The following KAT6B variants were observed in gnomAD, a reference collection of about 807,000 sequenced individuals.
The protein encoded by KAT6B is lysine acetyltransferase 6B.
KAT6B carries 10 observed loss-of-function variants against 187.5 expected under a neutral mutation model. The observed-to-expected ratio is 0.05, with a 90% CI of 0.03 to 0.09. KAT6B has a LOEUF of 0.09. KAT6B is among the 10% of genes least tolerant of loss of function. The pLI, the probability that KAT6B is intolerant of heterozygous loss-of-function variation, is 1.00. For synonymous variants in KAT6B, 861 were observed against 926.8 expected (o/e 0.93, Z 1.29); for missense variants, 1,952 against 2,558.9 (o/e 0.76, Z 5.12).
At chr10:74,845,932 C>T (rs1022852209) in intron 3 of KAT6B, among the ~76,000 whole-genome samples, 4 of 150,988 alleles carry the variant, frequency 2.6e-5, no homozygotes, top group South Asian at 4.2e-4. Flanking sequence ...GGTGTCACCT[C>T]GGCTCACTGC....
intron 3 of KAT6B, among the ~76,000 whole-genome samples, chr10:74,871,090 C>T (rs1446094183): frequency 2.1e-5 from 3 of 145,970 alleles, no homozygotes; most frequent in East Asian, 4.2e-4. Flanking sequence ...CCATGTTGGC[C>T]GGGCTGGTCT....
intron 3 of KAT6B, among the ~76,000 whole-genome samples, chr10:74,905,135 A>C (rs1846666451): frequency 1.3e-5 from 2 of 152,194 alleles, no homozygotes; most frequent in African/African-American, 4.8e-5. Flanking sequence ...GAAGCAATTA[A>C]AAATTTTTCT....
At chr10:74,978,100 A>G (rs1475435606) in intron 9 of KAT6B, among the ~76,000 whole-genome samples, 1 of 152,142 alleles carries the variant, frequency 6.6e-6, no homozygotes, top group Non-Finnish European at 1.5e-5. Flanking sequence ...TAGACTCCCT[A>G]CCCAACCCCA....
At chr10:74,918,662 GA>G (rs1364855870) in intron 3 of KAT6B, among the ~76,000 whole-genome samples, 4 of 152,114 alleles carry the variant, frequency 2.6e-5, no homozygotes, top group African/African-American at 4.8e-5. Context: ...AAAATTGCTT[GA>G]ACCCGGGAGG....
intron 13 of KAT6B, among the ~76,000 whole-genome samples, chr10:75,016,944 A>G (rs970128807): frequency 6.8e-6 from 1 of 147,320 alleles, no homozygotes; most frequent in African/African-American, 2.5e-5. Flanking sequence ...GCTCACTGCA[A>G]CCTCTGCCTC....
chr10:74,968,215 C>G (rs1181870123), intron 4 of KAT6B, among the ~76,000 whole-genome samples: 2 of 152,102 alleles, frequency 1.3e-5, no homozygotes, highest in African/African-American at 4.8e-5. Flanking sequence ...GAGATTGATA[C>G]CATTTTTATC....
chr10:74,850,453 A>G (rs1023360230), intron 3 of KAT6B, among the ~76,000 whole-genome samples: 1 of 152,224 alleles, frequency 6.6e-6, no homozygotes, highest in African/African-American at 2.4e-5. Context: ...AATGCAAGTT[A>G]AAATAGAAGG....
At chr10:74,935,486 G>A (rs1233408385) in intron 3 of KAT6B, among the ~76,000 whole-genome samples, 1 of 151,898 alleles carries the variant, frequency 6.6e-6, no homozygotes, top group Non-Finnish European at 1.5e-5. Context: ...TTTTTGTTGA[G>A]ACGAGATCTT....
At chr10:74,828,583 T>TA (rs1840463818) in intron 1 of KAT6B, among the ~76,000 whole-genome samples, 1 of 147,834 alleles carries the variant, frequency 6.8e-6, no homozygotes, top group South Asian at 2.2e-4. Flanking sequence ...TTTTTTTTTT[T>TA]TTGAGACGGA....
At chr10:74,996,174 A>G (rs1427890197) in intron 13 of KAT6B, among the ~76,000 whole-genome samples, 2 of 152,208 alleles carry the variant, frequency 1.3e-5, no homozygotes, top group African/African-American at 2.4e-5. Context: ...CTTTAACCTT[A>G]TTGATTGGGA....
At chr10:74,953,623 A>G (rs1416431256) in intron 3 of KAT6B, among the ~76,000 whole-genome samples, 1 of 152,210 alleles carries the variant, frequency 6.6e-6, no homozygotes, top group Non-Finnish European at 1.5e-5. Context: ...AAGCAGTCTC[A>G]TGAAAGATGT....
chr10:75,023,754 C>A (rs1251836310), intron 16 of KAT6B: 1 of 152,150 alleles, frequency 6.6e-6, no homozygotes, highest in African/African-American at 2.4e-5. Context: ...GCCTATAATC[C>A]CCACACTTTG....
intron 13 of KAT6B, among the ~76,000 whole-genome samples, chr10:74,996,892 A>G (rs1250477086): frequency 1.3e-5 from 2 of 152,168 alleles, no homozygotes; most frequent in East Asian, 3.8e-4. Flanking sequence ...ACTTGACTAT[A>G]TAAAAATATA....
chr10:74,927,159 T>A (rs11001206), intron 3 of KAT6B, among the ~76,000 whole-genome samples: 12,343 of 152,272 alleles, frequency 0.081, 668 homozygotes, highest in South Asian at 0.27. Context: ...CAGTTCTCTA[T>A]CAGTTAGTGT....
intron 3 of KAT6B, among the ~76,000 whole-genome samples, chr10:74,913,081 A>G (rs1364867743): frequency 6.6e-6 from 1 of 152,230 alleles, no homozygotes; most frequent in Non-Finnish European, 1.5e-5. Flanking sequence ...AGAAAGGGGT[A>G]TGAGTAGTTG....
chr10:74,952,779 C>T (rs1211033351), intron 3 of KAT6B, among the ~76,000 whole-genome samples: 2 of 151,406 alleles, frequency 1.3e-5, no homozygotes, highest in Non-Finnish European at 1.5e-5. Context: ...CTCCGCCTCC[C>T]GGGTTCAAGT....
chr10:74,999,219 G>A (rs1843657890), intron 13 of KAT6B, among the ~76,000 whole-genome samples: 1 of 152,206 alleles, frequency 6.6e-6, no homozygotes, highest in Admixed American at 6.5e-5. Flanking sequence ...GCAGAGTGGT[G>A]CTCAGAAAAT....
intron 6 of KAT6B, among the ~76,000 whole-genome samples, chr10:74,971,402 A>AT (rs920338119): frequency 2.0e-5 from 3 of 152,126 alleles, no homozygotes; most frequent in Non-Finnish European, 4.4e-5. Flanking sequence ...TCTAAGACAC[A>AT]TTTTTTTAAT....
intron 3 of KAT6B, among the ~76,000 whole-genome samples, chr10:74,916,190 T>C (rs1221073720): frequency 6.6e-6 from 1 of 152,036 alleles, no homozygotes; most frequent in Non-Finnish European, 1.5e-5. Context: ...ATAAATAAAA[T>C]CTATAATTTT....
Sources: gnomAD v4.1 joint callset for allele counts (sites outside exome capture counted in the v4.1 genomes callset) on GRCh38, gnomAD v4.1.1 for gene constraint, MANE v1.5 for transcripts, NCBI Gene and HGNC (gene_info 2026-07-23, HGNC 2026-07-21) for gene names.